Variants in ADGRL3 observed in about 807,000 individuals in gnomAD.
The protein encoded by ADGRL3 is adhesion G protein-coupled receptor L3, also known as calcium-independent alpha-latrotoxin receptor 3.
Under a neutral mutation model 153.5 loss-of-function variants are expected in ADGRL3, and 62 were observed. The ratio of observed to expected loss-of-function variants is 0.40; its 90% CI spans 0.33 to 0.50. The LOEUF is 0.50. Ranked by LOEUF, ADGRL3 falls within the 20% of genes least tolerant of loss-of-function variation. ADGRL3 has a pLI of 0.47. For synonymous variants in ADGRL3, 710 were observed against 672.5 expected (o/e 1.06, Z -0.86); for missense variants, 1,641 against 1,859.4 (o/e 0.88, Z 2.16).
chr4:61,939,801 G>T (rs960615549), intron 15 of ADGRL3, among the ~76,000 whole-genome samples: 2 of 152,002 alleles, frequency 1.3e-5, no homozygotes, highest in African/African-American at 4.8e-5. Flanking sequence ...CATATAACTG[G>T]TATCATACAG....
intron 25 of ADGRL3, among the ~76,000 whole-genome samples, chr4:62,045,567 G>C (rs1225891364): frequency 1.3e-5 from 2 of 152,074 alleles, no homozygotes; most frequent in East Asian, 3.9e-4. Flanking sequence ...GAAAGATTCA[G>C]ATGCTAGTAC....
chr4:61,467,508 T>G (rs1310099383), intron 2 of ADGRL3, among the ~76,000 whole-genome samples: 1 of 149,932 alleles, frequency 6.7e-6, no homozygotes, highest in Non-Finnish European at 1.5e-5. Context: ...GAGAGAGAGA[T>G]GAAGGGAGGG....
chr4:61,339,524 T>C (rs1475341834), intron 1 of ADGRL3, among the ~76,000 whole-genome samples: 1 of 152,216 alleles, frequency 6.6e-6, no homozygotes, highest in Non-Finnish European at 1.5e-5. Context: ...CTTGCAAATA[T>C]TAAATTAGGA....
chr4:61,746,207 C>G (rs2096658626), intron 8 of ADGRL3, among the ~76,000 whole-genome samples: 1 of 152,132 alleles, frequency 6.6e-6, no homozygotes, highest in Non-Finnish European at 1.5e-5. Flanking sequence ...ACTCATAAAG[C>G]AAGTCCTGAG....
intron 8 of ADGRL3, among the ~76,000 whole-genome samples, chr4:61,748,059 C>T (rs368598404): frequency 0.082 from 12,392 of 150,568 alleles, 992 homozygotes; most frequent in African/African-American, 0.22. Context: ...TCTTATACAC[C>T]AATAACAGAC....
At position 61,867,540 on chromosome 4, in the gene ADGRL3, A is replaced by ATATG. The variant is rs201200813; in HGVS notation, c.1481-25116_1481-25115insTATG. Among the ~76,000 whole-genome samples the ATATG allele has an allele frequency of 3.8e-4, 50 of 132,124 alleles. 1 individual carries two copies. Among genetic ancestry groups the ATATG allele is most frequent in the African/African-American group, 1.4e-3 (50 of 37,036 alleles). 86.7% of individuals were successfully genotyped at this position (132,124 alleles called of 152,430 possible). A position where few individuals can be genotyped will look rare whatever the true frequency, so the allele number is the denominator to read the frequency against. On this transcript the variant is annotated intron_variant, in intron 9 of 26. Transcript: ENST00000683033. Reference sequence around the variant, plus strand: ...CATATATATATATATATATATATATAATTGTAGGAGAGAAAAGATTTCTTA... The same window carrying ATATG: ...CATATATATATATATATATATATATATATGATTGTAGGAGAGAAAAGATTTCTTA...
chr4:61,653,213 C>G (rs1463526882), intron 5 of ADGRL3, among the ~76,000 whole-genome samples: 1 of 148,740 alleles, frequency 6.7e-6, no homozygotes, highest in Non-Finnish European at 1.5e-5. Flanking sequence ...CACACAGAGC[C>G]ATATGAGAAC....
rs1032365571 is a variant in ADGRL3 at position 62,071,885 on chromosome 4, C to T, written c.*977C>T. On this transcript the variant is annotated 3_prime_UTR_variant, in exon 27 of 27. Transcript: ENST00000683033. ...AAACAAAATAAATAAAATTAGACTT[C>T]CTTCCCTCACTATATATCTTTATGC... The T allele has an allele frequency of 6.0e-6, 2 of 332,584 alleles. No individual in the cohort carries two copies. Among genetic ancestry groups the T allele is most frequent in the African/African-American group, 4.4e-5 (2 of 45,390 alleles). 20.6% of individuals were successfully genotyped at this position (332,584 alleles called of 1,614,324 possible).
chr4:61,754,835 G>T (rs772047890), intron 8 of ADGRL3, among the ~76,000 whole-genome samples: 104 of 151,456 alleles, frequency 6.9e-4, no homozygotes, highest in Middle Eastern at 6.8e-3. Flanking sequence ...TGTTCTCATT[G>T]TTCAATTCCC....
At chr4:61,980,305 A>AGTTTTTT (rs2099063308) in intron 18 of ADGRL3, among the ~76,000 whole-genome samples, 1 of 31,054 alleles carries the variant, frequency 3.2e-5, no homozygotes, top group Non-Finnish European at 1.0e-4. Flanking sequence ...GGTAACCACT[A>AGTTTTTT]ATTTTTTTTT....
intron 25 of ADGRL3, among the ~76,000 whole-genome samples, chr4:62,063,279 A>G (rs1370126885): frequency 6.6e-6 from 1 of 152,082 alleles, no homozygotes; most frequent in Non-Finnish European, 1.5e-5. Flanking sequence ...AATGTAGCTT[A>G]ATCAACATTG....
rs943014285 is a variant in ADGRL3 at position 61,646,997 on chromosome 4, G to A, written c.474-29829G>A. Reference sequence around the variant, plus strand: ...CTCCTGGTGCGCCGTTTTTTAAGCCGGTAGGAAAAGCGCAGTCTTCGGGTG... The same window carrying A: ...CTCCTGGTGCGCCGTTTTTTAAGCCAGTAGGAAAAGCGCAGTCTTCGGGTG... On this transcript the variant is annotated intron_variant, in intron 5 of 26. Transcript: ENST00000683033. 1.6e-4 allele frequency among the ~76,000 whole-genome samples: 24 copies of A among 152,160 alleles called. 1 individual carries two copies. Among genetic ancestry groups the A allele is most frequent in the African/African-American group, 5.1e-4 (21 of 41,434 alleles).
At chr4:61,513,287 T>A (rs936907987) in intron 3 of ADGRL3, among the ~76,000 whole-genome samples, 1 of 152,188 alleles carries the variant, frequency 6.6e-6, no homozygotes. Context: ...TAAATCAGTA[T>A]TGATCTCTGC....
chr4:61,768,992 G>A (rs1373834056), intron 8 of ADGRL3, among the ~76,000 whole-genome samples: 1 of 148,648 alleles, frequency 6.7e-6, no homozygotes, highest in Non-Finnish European at 1.5e-5. Flanking sequence ...AAGTGATTGG[G>A]GGGTTCTTGC....
intron 4 of ADGRL3, among the ~76,000 whole-genome samples, chr4:61,570,182 T>G (rs2098832755): frequency 1.3e-5 from 2 of 152,130 alleles, no homozygotes; most frequent in Non-Finnish European, 1.5e-5. Flanking sequence ...CTTTTTGTAT[T>G]GCCTTAAAAA....
intron 5 of ADGRL3, among the ~76,000 whole-genome samples, chr4:61,624,118 T>G (rs1179434621): frequency 6.6e-6 from 1 of 152,200 alleles, no homozygotes; most frequent in African/African-American, 2.4e-5. Context: ...AGTAAAGATT[T>G]GCTGAATGGA....
chr4:61,706,310 T>C (rs1052179470), intron 6 of ADGRL3, among the ~76,000 whole-genome samples: 23 of 151,746 alleles, frequency 1.5e-4, no homozygotes, highest in African/African-American at 4.4e-4. Flanking sequence ...TAATCTTAGC[T>C]ACTCGGGAGG....
chr4:61,959,847 C>A (rs1234567065), intron 17 of ADGRL3, among the ~76,000 whole-genome samples: 2 of 151,970 alleles, frequency 1.3e-5, no homozygotes, highest in Non-Finnish European at 1.5e-5. Flanking sequence ...TTGCACAATC[C>A]TATTCCTAGT....
chr4:62,070,682 C>G lies in ADGRL3; in HGVS notation c.4406C>G (p.Thr1469Ser). ...GGTGTGGCCGCCACAGAGAGTGTTA[C>G]CACCAGCACCCAGACCGAACCCCCA... is the stretch of plus-strand genomic sequence containing the variant. ...LAGVAATESV[T>S]TSTQTEPPPA... The change falls in exon 27 of 27, where the codon ACC (threonine) becomes AGC (serine). Residue 1469 changes from threonine (T) to serine (S), a missense_variant. This residue lies in a region of ADGRL3 where 517 missense variants were observed against 555.0 expected (regional missense o/e 0.93). Transcript: ENST00000683033. 1 of 1,551,474 alleles carries G rather than the reference C, an allele frequency of 6.4e-7. No individual in the cohort carries two copies. Among genetic ancestry groups the G allele is most frequent in the Non-Finnish European group, 8.7e-7 (1 of 1,146,890 alleles).
Sources: allele counts gnomAD v4.1 joint callset (sites outside exome capture counted in the v4.1 genomes callset), GRCh38; gene constraint gnomAD v4.1.1; regional missense constraint gnomAD v4.1.1; transcripts MANE v1.5; gene names NCBI Gene and HGNC (gene_info 2026-07-23, HGNC 2026-07-21).